Variants in WWOX observed in about 807,000 individuals in gnomAD.
WWOX encodes the protein WW domain containing oxidoreductase, also known as WW domain-containing oxidoreductase.
A neutral mutation model predicts 46.2 loss-of-function variants in WWOX; 69 were observed. That is an observed-to-expected ratio of 1.49 (90% CI 1.23 to 1.82). The LOEUF (loss-of-function observed/expected upper bound fraction) is 1.82. Among genes scored for constraint, WWOX ranks in the 40% most tolerant of loss-of-function variants. The pLI is 0.00. For synonymous variants in WWOX, 359 were observed against 202.6 expected (o/e 1.77, Z -6.56); for missense variants, 919 against 542.6 (o/e 1.69, Z -6.89).
intron 8 of WWOX, among the ~76,000 whole-genome samples, chr16:78,575,596 T>A (rs1255243487): frequency 6.6e-6 from 1 of 152,166 alleles, no homozygotes; most frequent in African/African-American, 2.4e-5. Flanking sequence ...TCTTAAGTCG[T>A]GCATTTGACG....
chr16:78,490,981 C>T (rs546216849), intron 8 of WWOX, among the ~76,000 whole-genome samples: 14 of 152,324 alleles, frequency 9.2e-5, no homozygotes, highest in South Asian at 2.1e-4. Context: ...GAGCTGCCCC[C>T]GAGTGACCGC....
chr16:79,028,157 C>T (rs2550699), intron 8 of WWOX, among the ~76,000 whole-genome samples: 1 of 151,380 alleles, frequency 6.6e-6, no homozygotes, highest in Non-Finnish European at 1.5e-5. Context: ...CACCGTGTTA[C>T]CCAGGATGGT....
intron 8 of WWOX, among the ~76,000 whole-genome samples, chr16:78,652,413 A>C (rs1406325383): frequency 2.5e-5 from 3 of 121,842 alleles, no homozygotes; most frequent in African/African-American, 9.6e-5. Flanking sequence ...CGTCTCAAAA[A>C]AAAAAAAAAA....
chr16:78,799,133 C>A (rs1323394648), intron 8 of WWOX, among the ~76,000 whole-genome samples: 1 of 151,848 alleles, frequency 6.6e-6, no homozygotes, highest in South Asian at 2.1e-4. Context: ...TGGTTCCTGG[C>A]ATTTGTGTCT....
Position 78,106,254 on chromosome 16 carries a change from C to T in WWOX, c.108-2169C>T, listed in dbSNP as rs563931612. Among the ~76,000 whole-genome samples the T allele has an allele frequency of 2.8e-3, 423 of 152,252 alleles. 7 individuals are homozygous for T. Among genetic ancestry groups the T allele is most frequent in the African/African-American group, 9.9e-3 (412 of 41,550 alleles). On this transcript the variant is annotated intron_variant, in intron 1 of 8. Coordinates refer to ENST00000566780, the MANE Select transcript of WWOX (RefSeq NM_016373.4). The stretch of plus-strand genomic sequence containing the variant: ...TGAAGAAGCTTGAGACACAGCTCTG[C>T]AAGGGGCTGGAAGGTTTCATGTTAT...
chr16:79,171,992 A>G (rs1455719834), intron 8 of WWOX, among the ~76,000 whole-genome samples: 2 of 152,198 alleles, frequency 1.3e-5, no homozygotes, highest in African/African-American at 2.4e-5. Flanking sequence ...GCCATGAGTC[A>G]GACAGGTCAT....
intron 5 of WWOX, among the ~76,000 whole-genome samples, chr16:78,316,564 A>C (rs1003462676): frequency 2.6e-5 from 4 of 151,986 alleles, no homozygotes; most frequent in Non-Finnish European, 5.9e-5. Flanking sequence ...GCTGTTCTAA[A>C]ACTCCTGGCC....
At chr16:78,318,703 T>C (rs910389022) in intron 5 of WWOX, among the ~76,000 whole-genome samples, 9 of 152,326 alleles carry the variant, frequency 5.9e-5, no homozygotes, top group African/African-American at 1.4e-4. Context: ...TGTACATACA[T>C]AATTTCTGTA....
chr16:78,497,693 C>A (rs1287737916), intron 8 of WWOX, among the ~76,000 whole-genome samples: 1 of 152,152 alleles, frequency 6.6e-6, no homozygotes, highest in African/African-American at 2.4e-5. Context: ...TAGGTCTAAT[C>A]ACTCTTCATG....
chr16:78,235,763 C>G (rs1415208564), intron 5 of WWOX, among the ~76,000 whole-genome samples: 1 of 152,146 alleles, frequency 6.6e-6, no homozygotes, highest in Non-Finnish European at 1.5e-5. Context: ...ATTGTCCAGA[C>G]TAGATGGTCA....
chr16:78,515,070 A>G (rs1057338870), intron 8 of WWOX, among the ~76,000 whole-genome samples: 1 of 152,092 alleles, frequency 6.6e-6, no homozygotes, highest in Non-Finnish European at 1.5e-5. Context: ...AAATACAAAA[A>G]AAAATTAGCT....
chr16:78,434,382 C>G (rs565978379), intron 8 of WWOX, among the ~76,000 whole-genome samples: 4 of 152,144 alleles, frequency 2.6e-5, no homozygotes, highest in Non-Finnish European at 5.9e-5. Flanking sequence ...ACTGCATAAG[C>G]GCAGCCTCTT....
chr16:79,094,219 T>G (rs2150610916), intron 8 of WWOX, among the ~76,000 whole-genome samples: 1 of 152,162 alleles, frequency 6.6e-6, no homozygotes, highest in African/African-American at 2.4e-5. Flanking sequence ...GCCAGCGCTC[T>G]CGTCTGCATT....
At position 78,804,389 on chromosome 16, in the gene WWOX, A is replaced by T. The variant is rs74821668; in HGVS notation, c.1056+371637A>T. 8.4e-3 allele frequency among the ~76,000 whole-genome samples: 1,275 copies of T among 152,036 alleles called. 23 individuals are homozygous for T. The highest frequency in any genetic ancestry group is 0.029 in the African/African-American group (1,218 of 41,516). Reference sequence around the variant, plus strand: ...AGCGAACAAAATTAACAGCTCTTGGAGGTAGGAAAAAAGGCGCTCAGCCAA... The same window carrying T: ...AGCGAACAAAATTAACAGCTCTTGGTGGTAGGAAAAAAGGCGCTCAGCCAA... On this transcript the variant is annotated intron_variant, in intron 8 of 8. Transcript: ENST00000566780.
Position 79,128,086 on chromosome 16 carries a change from C to T in WWOX, c.1057-83522C>T, listed in dbSNP as rs189020228. On this transcript the variant is annotated intron_variant, in intron 8 of 8. Coordinates refer to ENST00000566780, the MANE Select transcript of WWOX (RefSeq NM_016373.4). ...ATGATTTGGTTACCCCCTTCTCCAT[C>T]CCCCACCACCCACTGATGTTATTAT... Among the ~76,000 whole-genome samples, 701 of 152,158 alleles carry T rather than the reference C, an allele frequency of 4.6e-3. 6 individuals are homozygous for T. The highest frequency in any genetic ancestry group is 0.016 in the African/African-American group (670 of 41,508).
chr16:78,568,474 C>CTTT (rs200073404), intron 8 of WWOX, among the ~76,000 whole-genome samples: 5 of 133,392 alleles, frequency 3.7e-5, no homozygotes, highest in East Asian at 2.1e-4. Context: ...AAGCTTCCAA[C>CTTT]TTTTTTTTTT....
intron 3 of WWOX, among the ~76,000 whole-genome samples, chr16:78,110,697 A>C (rs1282085013): frequency 6.6e-6 from 1 of 152,126 alleles, no homozygotes; most frequent in African/African-American, 2.4e-5. Flanking sequence ...GCCTGATTCT[A>C]ATCATCTTGT....
At chr16:78,940,674 C>G (rs928146427) in intron 8 of WWOX, among the ~76,000 whole-genome samples, 3 of 138,644 alleles carry the variant, frequency 2.2e-5, no homozygotes, top group African/African-American at 5.4e-5. Flanking sequence ...CTTAGGTTAA[C>G]TTTTTTTTTT....
chr16:78,630,658 C>G, intron 8 of WWOX, among the ~76,000 whole-genome samples: 1 of 152,286 alleles, frequency 6.6e-6, no homozygotes, highest in South Asian at 2.1e-4. Flanking sequence ...CACCATTTCC[C>G]TGTGCTCATT....
Sources: gnomAD v4.1 joint callset for allele counts (sites outside exome capture counted in the v4.1 genomes callset) on GRCh38, gnomAD v4.1.1 for gene constraint, MANE v1.5 for transcripts, NCBI Gene and HGNC (gene_info 2026-07-23, HGNC 2026-07-21) for gene names.